The following CPQ variants were observed in gnomAD, a reference collection of about 807,000 sequenced individuals.
CPQ encodes the protein Ser-Met dipeptidase.
In CPQ, 37 loss-of-function variants were observed where a neutral mutation model predicts 45.7. That is an observed-to-expected ratio of 0.81 (90% confidence interval 0.62 to 1.07). The LOEUF is 1.07. Ranked by LOEUF, CPQ falls within the 50% of genes least tolerant of loss-of-function variation. CPQ has a pLI of 0.00. For missense variants in CPQ, 537 were observed against 572.9 expected (o/e 0.94, Z 0.64); for synonymous variants, 186 against 205.8 (o/e 0.90, Z 0.82).
At chr8:96,876,331 T>G (rs1349702240) in intron 3 of CPQ, among the ~76,000 whole-genome samples, 1 of 152,080 alleles carries the variant, frequency 6.6e-6, no homozygotes, top group Non-Finnish European at 1.5e-5. Flanking sequence ...TAAGATTTTG[T>G]TAAAAATATT....
intron 7 of CPQ, among the ~76,000 whole-genome samples, chr8:97,110,395 A>C (rs1811480349): frequency 6.6e-6 from 1 of 151,966 alleles, no homozygotes; most frequent in Non-Finnish European, 1.5e-5. Context: ...ACTTTTTTTC[A>C]GTTTTTGGCA....
At chr8:96,892,851 C>G (rs2130890653) in intron 4 of CPQ, among the ~76,000 whole-genome samples, 1 of 152,208 alleles carries the variant, frequency 6.6e-6, no homozygotes, top group Non-Finnish European at 1.5e-5. Context: ...ATGGGATTTT[C>G]AAGCAGGAGG....
chr8:96,645,642 G>C (rs1051242908), intron 1 of CPQ, among the ~76,000 whole-genome samples: 1 of 152,092 alleles, frequency 6.6e-6, no homozygotes, highest in African/African-American at 2.4e-5. Flanking sequence ...AAATGGGGAA[G>C]CTGTGACGTG....
At chr8:96,697,003 C>T (rs2130742185) in intron 1 of CPQ, among the ~76,000 whole-genome samples, 1 of 152,258 alleles carries the variant, frequency 6.6e-6, no homozygotes, top group South Asian at 2.1e-4. Flanking sequence ...AGAATACTTC[C>T]AAACTGGCCT....
chr8:96,845,881 G>A (rs1431297257), intron 3 of CPQ, among the ~76,000 whole-genome samples: 6 of 152,096 alleles, frequency 3.9e-5, no homozygotes, highest in Non-Finnish European at 7.4e-5. Context: ...AGTAAATGGC[G>A]CGATCTCGGC....
chr8:97,103,847 G>A (rs949500386), intron 7 of CPQ, among the ~76,000 whole-genome samples: 3 of 152,292 alleles, frequency 2.0e-5, no homozygotes, highest in Middle Eastern at 3.4e-3. Flanking sequence ...TGGAAAAGAA[G>A]CTTTCATCAT....
chr8:96,888,241 G>C (rs1478631871), intron 4 of CPQ, among the ~76,000 whole-genome samples: 1 of 152,202 alleles, frequency 6.6e-6, no homozygotes, highest in Non-Finnish European at 1.5e-5. Flanking sequence ...CAAGTTGAGA[G>C]TCACTGATGT....
chr8:96,787,946 C>A (rs919854375), intron 2 of CPQ, among the ~76,000 whole-genome samples: 8 of 145,118 alleles, frequency 5.5e-5, no homozygotes, highest in African/African-American at 1.7e-4. Context: ...TTAGATTTTT[C>A]TAGCAACAAA....
chr8:96,851,995 A>C (rs1223289193), intron 3 of CPQ, among the ~76,000 whole-genome samples: 2 of 152,254 alleles, frequency 1.3e-5, no homozygotes, highest in Non-Finnish European at 2.9e-5. Flanking sequence ...AGGCACAGGC[A>C]GTACCCTCCT....
chr8:96,826,779 C>T (rs547471025), intron 2 of CPQ, among the ~76,000 whole-genome samples: 2 of 152,106 alleles, frequency 1.3e-5, no homozygotes, highest in South Asian at 4.1e-4. Context: ...TCTCCCTCCC[C>T]GTACTCCACT....
chr8:97,097,944 C>T (rs1254925544), intron 7 of CPQ, among the ~76,000 whole-genome samples: 1 of 152,102 alleles, frequency 6.6e-6, no homozygotes, highest in African/African-American at 2.4e-5. Flanking sequence ...GCAAGGGGAG[C>T]CAGGAAATGT....
chr8:96,796,141 CA>C (rs1810925571), intron 2 of CPQ, among the ~76,000 whole-genome samples: 1 of 151,952 alleles, frequency 6.6e-6, no homozygotes, highest in African/African-American at 2.4e-5. Flanking sequence ...AGTGTATCTT[CA>C]AAACCCTGCA....
chr8:96,925,048 CT>C (rs1812855259), intron 4 of CPQ, among the ~76,000 whole-genome samples: 1 of 152,198 alleles, frequency 6.6e-6, no homozygotes, highest in South Asian at 2.1e-4. Context: ...AAGAAATCCA[CT>C]TGGGATTTAT....
At chr8:96,650,917 A>T (rs1426321831) in intron 1 of CPQ, among the ~76,000 whole-genome samples, 2 of 152,242 alleles carry the variant, frequency 1.3e-5, no homozygotes, top group African/African-American at 4.8e-5. Context: ...TAATCCCTTT[A>T]TAAAATGAAC....
intron 1 of CPQ, among the ~76,000 whole-genome samples, chr8:96,686,711 A>T (rs1321756288): frequency 1.3e-5 from 2 of 151,828 alleles, no homozygotes; most frequent in Non-Finnish European, 2.9e-5. Context: ...ATACATTTGA[A>T]GATTTTCTTT....
chr8:96,819,670 C>A (rs1811276047), intron 2 of CPQ, among the ~76,000 whole-genome samples: 1 of 152,024 alleles, frequency 6.6e-6, no homozygotes, highest in African/African-American at 2.4e-5. Context: ...TATTATTGTT[C>A]TTTCACCTGC....
intron 4 of CPQ, among the ~76,000 whole-genome samples, chr8:96,895,341 G>T (rs1363324880): frequency 1.3e-5 from 2 of 152,108 alleles, no homozygotes; most frequent in Non-Finnish European, 2.9e-5. Flanking sequence ...TTTCTTCTAT[G>T]AGTATCTTTA....
chr8:96,653,168 A>G (rs571711845), intron 1 of CPQ, among the ~76,000 whole-genome samples: 2 of 152,242 alleles, frequency 1.3e-5, no homozygotes, highest in South Asian at 4.1e-4. Context: ...AGCTCAAGCA[A>G]TCTACTCTCC....
intron 7 of CPQ, among the ~76,000 whole-genome samples, chr8:97,081,725 C>CA (rs1379597150): frequency 1.3e-5 from 2 of 152,180 alleles, no homozygotes; most frequent in Non-Finnish European, 2.9e-5. Flanking sequence ...AGAAGGCCCC[C>CA]AGGTGTTCTA....
Sources: allele counts gnomAD v4.1 joint callset (sites outside exome capture counted in the v4.1 genomes callset), GRCh38; gene constraint gnomAD v4.1.1; transcripts MANE v1.5; gene names NCBI Gene and HGNC (gene_info 2026-07-23, HGNC 2026-07-21).